Variants in DSE observed in about 807,000 individuals in gnomAD.
The protein encoded by DSE is dermatan-sulfate epimerase.
In DSE, 36 loss-of-function variants were observed where a neutral mutation model predicts 84.4. The ratio of observed to expected loss-of-function variants is 0.43; its 90% CI spans 0.33 to 0.56. The LOEUF (loss-of-function observed/expected upper bound fraction) is 0.56. DSE is among the 20% of genes least tolerant of loss of function. DSE has a pLI of 0.06. For synonymous variants in DSE, 410 were observed against 430.1 expected (o/e 0.95, Z 0.58); for missense variants, 862 against 1,169.6 (o/e 0.74, Z 3.84).
intron 2 of DSE, among the ~76,000 whole-genome samples, chr6:116,321,696 C>T (rs1776334965): frequency 6.6e-6 from 1 of 152,140 alleles, no homozygotes; most frequent in Non-Finnish European, 1.5e-5. Flanking sequence ...ATCGATTGAA[C>T]CCGGGAGGTG....
At chr6:116,346,382 C>T (rs1562244338) in intron 2 of DSE, among the ~76,000 whole-genome samples, 2 of 152,168 alleles carry the variant, frequency 1.3e-5, no homozygotes, top group Non-Finnish European at 2.9e-5. Flanking sequence ...AAAATACTGG[C>T]AAACCGAATC....
At chr6:116,401,954 A>T (rs1781626263) in intron 2 of DSE, among the ~76,000 whole-genome samples, 1 of 151,990 alleles carries the variant, frequency 6.6e-6, no homozygotes, top group Non-Finnish European at 1.5e-5. Context: ...CAATAGCTTC[A>T]TCAGGCTGAA....
At chr6:116,291,876 G>A (rs1033919221) in intron 2 of DSE, among the ~76,000 whole-genome samples, 1 of 152,170 alleles carries the variant, frequency 6.6e-6, no homozygotes, top group African/African-American at 2.4e-5. Flanking sequence ...AGAAGTTAAG[G>A]AAGACTGATT....
chr6:116,264,331 C>A (rs547336386), intron 2 of DSE, among the ~76,000 whole-genome samples: 1 of 151,922 alleles, frequency 6.6e-6, no homozygotes, highest in Admixed American at 6.6e-5. Flanking sequence ...ACTAGCCAGT[C>A]TTCAATCTCT....
At chr6:116,383,384 GGGT>G (rs1780363535) in intron 1 of DSE, among the ~76,000 whole-genome samples, 1 of 152,130 alleles carries the variant, frequency 6.6e-6, no homozygotes, top group Admixed American at 6.5e-5. Flanking sequence ...ATGAAAGTTT[GGGT>G]GGAGAAGTAT....
intron 2 of DSE, among the ~76,000 whole-genome samples, chr6:116,406,430 C>A (rs1781933132): frequency 6.6e-6 from 1 of 152,212 alleles, no homozygotes; most frequent in South Asian, 2.1e-4. Flanking sequence ...GGATGTCTTG[C>A]CTCATTATCA....
chr6:116,427,657 A>G (rs1029768520), intron 3 of DSE, among the ~76,000 whole-genome samples: 2 of 152,224 alleles, frequency 1.3e-5, no homozygotes, highest in African/African-American at 4.8e-5. Context: ...TTAACTGAGT[A>G]TATGACATGT....
intron 1 of DSE, chr6:116,254,413 T>C (rs941487734): frequency 6.8e-6 from 3 of 444,438 alleles, no homozygotes; most frequent in Non-Finnish European, 1.4e-5. Context: ...AGTCAGTTCA[T>C]AGGGCTTCTC....
chr6:116,278,295 T>G, intron 2 of DSE: 3 of 578,620 alleles, frequency 5.2e-6, no homozygotes, highest in Non-Finnish European at 9.3e-6. Flanking sequence ...TCGTAGCATG[T>G]GATATTCCAG....
At chr6:116,271,347 G>A (rs977063784) in intron 2 of DSE, among the ~76,000 whole-genome samples, 1 of 152,212 alleles carries the variant, frequency 6.6e-6, no homozygotes, top group Non-Finnish European at 1.5e-5. Flanking sequence ...TCCAGGTGGT[G>A]CAGATACTGC....
intron 2 of DSE, among the ~76,000 whole-genome samples, chr6:116,357,359 C>T (rs1287390966): frequency 1.4e-4 from 21 of 151,980 alleles, no homozygotes; most frequent in Non-Finnish European, 2.8e-4. Flanking sequence ...GGTGAAACCC[C>T]GTCTCTACTA....
At chr6:116,279,068 G>C in intron 2 of DSE, 2 of 1,613,282 alleles carry the variant, frequency 1.2e-6, no homozygotes, top group Non-Finnish European at 1.7e-6. Context: ...CCAAACTTGT[G>C]CTCCAGCTGT....
rs1333913416 is a variant in DSE at position 116,389,956 on chromosome 6, A to T, written c.-53-9242A>T. Among the ~76,000 whole-genome samples the T allele has an allele frequency of 5.3e-5, 8 of 150,776 alleles. No individual in the cohort carries two copies. The East Asian group carries it at 5.8e-4, about 11-fold the overall frequency. On this transcript the variant is annotated intron_variant, in intron 1 of 5. Coordinates refer to ENST00000644252, the MANE Select transcript of DSE (RefSeq NM_013352.4). The stretch of plus-strand genomic sequence containing the variant: ...GAGTAATACAGTACTACAGTTTTTT[A>T]AAAAAAAAAACCTCAGAGACATCAT...
At chr6:116,389,281 A>G (rs1780748394) in intron 1 of DSE, among the ~76,000 whole-genome samples, 1 of 152,172 alleles carries the variant, frequency 6.6e-6, no homozygotes, top group Admixed American at 6.5e-5. Context: ...AACGTAGGTA[A>G]GGATGTGATG....
chr6:116,299,625 T>C (rs1203162050), intron 2 of DSE, among the ~76,000 whole-genome samples: 1 of 144,666 alleles, frequency 6.9e-6, no homozygotes, highest in African/African-American at 2.6e-5. Flanking sequence ...TGTAGGTAGG[T>C]AGGTATAGGT....
At position 116,436,502 on chromosome 6, in the gene DSE, A is replaced by G; in HGVS notation, c.2034A>G (p.Gly678=). 1 of 1,614,122 alleles carries G rather than the reference A, an allele frequency of 6.2e-7. No individual in the cohort carries two copies. Among genetic ancestry groups the G allele is most frequent in the Non-Finnish European group, 8.5e-7 (1 of 1,179,990 alleles). Residue 678 remains glycine, a synonymous_variant, in exon 6 of 6, where the codon GGA becomes GGG. Transcript: ENST00000644252. The part of the protein sequence containing the change: ...SIDVQSFTVH[G]DSQQLDVFIA... ...ATGTTCAGAGCTTCACTGTCCACGG[A>G]GACTCTCAGCAACTGGATGTGTTCA...
chr6:116,300,466 G>A (rs1312945697), intron 2 of DSE, among the ~76,000 whole-genome samples: 1 of 152,148 alleles, frequency 6.6e-6, no homozygotes, highest in Non-Finnish European at 1.5e-5. Context: ...AAATTCCACA[G>A]TATTGAAGAG....
chr6:116,261,444 T>C (rs1237891211), intron 2 of DSE, among the ~76,000 whole-genome samples: 1 of 152,178 alleles, frequency 6.6e-6, no homozygotes, highest in Non-Finnish European at 1.5e-5. Flanking sequence ...GTAGGAATGC[T>C]AGTGATATTT....
At chr6:116,404,703 G>C (rs1781801975) in intron 2 of DSE, among the ~76,000 whole-genome samples, 1 of 152,234 alleles carries the variant, frequency 6.6e-6, no homozygotes, top group Non-Finnish European at 1.5e-5. Context: ...TATTACACAG[G>C]AATAGTTACG....
Sources: allele counts gnomAD v4.1 joint callset (sites outside exome capture counted in the v4.1 genomes callset), GRCh38; gene constraint gnomAD v4.1.1; transcripts MANE v1.5; gene names NCBI Gene and HGNC (gene_info 2026-07-23, HGNC 2026-07-21).